CA10: variants seen among roughly 807,000 people sequenced by gnomAD.
The protein encoded by CA10 is carbonic anhydrase 10 (inactive), also known as carbonic anhydrase-related protein 10.
Under a neutral mutation model 44.2 loss-of-function variants are expected in CA10, and 14 were observed. The ratio of observed to expected loss-of-function variants is 0.32; its 90% confidence interval spans 0.21 to 0.50. The LOEUF (loss-of-function observed/expected upper bound fraction) is 0.50. Among genes scored for constraint, CA10 ranks in the 20% least tolerant of loss-of-function variants. The pLI is 0.99. For synonymous variants in CA10, 159 were observed against 141.6 expected, an observed-to-expected ratio of 1.12 and a Z score of -0.87; for missense variants, 350 against 409.7, an observed-to-expected ratio of 0.85 and a Z score of 1.26.
intron 4 of CA10, among the ~76,000 whole-genome samples, chr17:51,670,665 C>CA (rs1480690343): frequency 2.6e-5 from 4 of 152,132 alleles, no homozygotes; most frequent in Admixed American, 1.3e-4. Flanking sequence ...GTGCTTGTCT[C>CA]TTATATCCAC....
intron 3 of CA10, among the ~76,000 whole-genome samples, chr17:51,875,009 T>G (rs1300197878): frequency 7.5e-6 from 1 of 133,830 alleles, no homozygotes; most frequent in East Asian, 2.1e-4. Flanking sequence ...CTTAGGGTCT[T>G]TCTTTGTTGC....
At chr17:52,099,900 C>T (rs2143243476) in intron 1 of CA10, among the ~76,000 whole-genome samples, 1 of 152,260 alleles carries the variant, frequency 6.6e-6, no homozygotes, top group Admixed American at 6.5e-5. Context: ...TAGACAAGAA[C>T]AAGGGAAAAC....
intron 4 of CA10, among the ~76,000 whole-genome samples, chr17:51,742,444 A>C (rs1272887989): frequency 1.3e-5 from 2 of 152,156 alleles, no homozygotes; most frequent in African/African-American, 4.8e-5. Context: ...TCTCCTCAGC[A>C]CTTTTCATAC....
intron 2 of CA10, among the ~76,000 whole-genome samples, chr17:52,008,221 T>C (rs1985668581): frequency 6.6e-6 from 1 of 151,732 alleles, no homozygotes; most frequent in Non-Finnish European, 1.5e-5. Flanking sequence ...TTCTAAACCA[T>C]TTGAGGAAAA....
chr17:51,979,093 G>A (rs144077736), intron 2 of CA10, among the ~76,000 whole-genome samples: 1 of 151,932 alleles, frequency 6.6e-6, no homozygotes, highest in Non-Finnish European at 1.5e-5. Context: ...CCTTCTCTAG[G>A]ACCTATGAGT....
chr17:52,039,526 CCAT>C (rs1986711305), intron 2 of CA10, among the ~76,000 whole-genome samples: 1 of 151,992 alleles, frequency 6.6e-6, no homozygotes, highest in Admixed American at 6.5e-5. Context: ...TCTCTGCTAC[CCAT>C]ATATCATTTG....
chr17:51,677,895 C>CG (rs1419614014), intron 4 of CA10, among the ~76,000 whole-genome samples: 2 of 142,656 alleles, frequency 1.4e-5, no homozygotes, highest in African/African-American at 2.5e-5. Flanking sequence ...ACCCCCCCCC[C>CG]CACCGGCTGC....
chr17:52,078,081 T>C (rs986439854), intron 1 of CA10, among the ~76,000 whole-genome samples: 1 of 152,244 alleles, frequency 6.6e-6, no homozygotes, highest in Non-Finnish European at 1.5e-5. Flanking sequence ...TGATGTGATC[T>C]GGCCTGTGAG....
intron 7 of CA10, among the ~76,000 whole-genome samples, 196 bp from the exon 8 acceptor site, chr17:51,633,846 G>A (rs780314785): frequency 6.6e-6 from 1 of 152,222 alleles, no homozygotes; most frequent in Non-Finnish European, 1.5e-5. Context: ...CATGAAGCCA[G>A]CCTTTCTTCT....
chr17:51,638,991 G>C (rs1179790124), intron 6 of CA10, among the ~76,000 whole-genome samples: 1 of 152,166 alleles, frequency 6.6e-6, no homozygotes, highest in African/African-American at 2.4e-5. Flanking sequence ...GCTGCTGTGA[G>C]AAATGTGGCT....
intron 4 of CA10, among the ~76,000 whole-genome samples, chr17:51,730,540 G>A (rs1916677130): frequency 6.6e-6 from 1 of 152,192 alleles, no homozygotes; most frequent in African/African-American, 2.4e-5. Context: ...CTATAGCTAA[G>A]AAAGTAGTGG....
chr17:51,918,604 A>C (rs894995536), intron 3 of CA10, among the ~76,000 whole-genome samples: 1 of 152,230 alleles, frequency 6.6e-6, no homozygotes, highest in Non-Finnish European at 1.5e-5. Flanking sequence ...GCCAGAATGG[A>C]CTAACATCCT....
At chr17:51,714,970 A>G (rs1316331245) in intron 4 of CA10, among the ~76,000 whole-genome samples, 1 of 152,224 alleles carries the variant, frequency 6.6e-6, no homozygotes, top group African/African-American at 2.4e-5. Context: ...TAGCTTTTCA[A>G]TAATCATAGT....
At chr17:51,701,967 A>G (rs961097068) in intron 4 of CA10, among the ~76,000 whole-genome samples, 1 of 152,096 alleles carries the variant, frequency 6.6e-6, no homozygotes, top group Non-Finnish European at 1.5e-5. Context: ...TTGGCACCTT[A>G]CCCAGATGTC....
At chr17:51,765,772 C>G (rs950070652) in intron 3 of CA10, among the ~76,000 whole-genome samples, 8 of 149,326 alleles carry the variant, frequency 5.4e-5, no homozygotes, top group African/African-American at 2.0e-4. Flanking sequence ...TATAGACAAT[C>G]CAGCAGAAAT....
At chr17:52,105,403 T>G (rs1425842349) in intron 1 of CA10, among the ~76,000 whole-genome samples, 1 of 152,084 alleles carries the variant, frequency 6.6e-6, no homozygotes, top group African/African-American at 2.4e-5. Flanking sequence ...TACAGGCGCC[T>G]GCCACCACAC....
At chr17:51,821,598 G>A (rs1182877001) in intron 3 of CA10, among the ~76,000 whole-genome samples, 2 of 151,898 alleles carry the variant, frequency 1.3e-5, no homozygotes, top group African/African-American at 4.8e-5. Context: ...TACATCCAGG[G>A]GTCAGGAAGA....
chr17:51,687,374 C>T (rs1179473105), intron 4 of CA10, among the ~76,000 whole-genome samples: 1 of 152,188 alleles, frequency 6.6e-6, no homozygotes. Context: ...TACCTACAAG[C>T]CCTCACCAGA....
rs149216666 is a variant in CA10 at position 51,940,979 on chromosome 17, G to A, written c.137-9847C>T. On this transcript the variant is annotated intron_variant, in intron 2 of 8. Coordinates refer to ENST00000451037, the MANE Select transcript of CA10 (RefSeq NM_020178.5). ...TTCTTTTTATTCACCAAGTCATGGA[G>A]TATGCCATTGGTGGGAAATCAGAAA... Among the ~76,000 whole-genome samples the A allele has an allele frequency of 2.5e-3, 374 of 152,270 alleles. 2 individuals carry two copies. Among genetic ancestry groups the A allele is most frequent in the African/African-American group, 8.6e-3 (359 of 41,566 alleles).
Sources: allele counts gnomAD v4.1 joint callset (sites outside exome capture counted in the v4.1 genomes callset), GRCh38; gene constraint gnomAD v4.1.1; transcripts MANE v1.5; gene names NCBI Gene and HGNC (gene_info 2026-07-23, HGNC 2026-07-21).